The following PTPRK variants were observed in gnomAD, a reference collection of about 807,000 sequenced individuals.
PTPRK encodes the protein protein tyrosine phosphatase receptor type K.
In PTPRK, 75 loss-of-function variants were observed where a neutral mutation model predicts 178.0. The ratio of observed to expected loss-of-function variants is 0.42; its 90% confidence interval spans 0.35 to 0.51. The LOEUF (loss-of-function observed/expected upper bound fraction) is 0.51, where lower values mean the gene tolerates loss of function less well. PTPRK is among the 20% of genes least tolerant of loss of function. The probability of loss-of-function intolerance (pLI) is 0.02; values close to 1 mark genes in which losing one functional copy is unlikely to be tolerated. For synonymous variants in PTPRK, 637 were observed against 620.6 expected, an observed-to-expected ratio of 1.03 and a Z score of -0.39; for missense variants, 1,441 against 1,797.8, an observed-to-expected ratio of 0.80 and a Z score of 3.59.
chr6:128,038,243 A>AT (rs1191654422), intron 13 of PTPRK, among the ~76,000 whole-genome samples: 1 of 152,088 alleles, frequency 6.6e-6, no homozygotes, highest in African/African-American at 2.4e-5. Context: ...CTTTATACAC[A>AT]TTTTTTATGA....
intron 6 of PTPRK, among the ~76,000 whole-genome samples, chr6:128,216,812 T>C (rs1313506550): frequency 2.0e-5 from 3 of 151,374 alleles, no homozygotes; most frequent in African/African-American, 7.4e-5. Flanking sequence ...AAACTATACA[T>C]ATAAAGGGAG....
intron 3 of PTPRK, among the ~76,000 whole-genome samples, chr6:128,313,192 C>G (rs2128317145): frequency 6.6e-6 from 1 of 152,220 alleles, no homozygotes; most frequent in Non-Finnish European, 1.5e-5. Context: ...GTCACTTACC[C>G]TCTGTCAGCC....
intron 1 of PTPRK, among the ~76,000 whole-genome samples, chr6:128,403,798 A>C (rs1841332854): frequency 6.6e-6 from 1 of 152,208 alleles, no homozygotes; most frequent in Non-Finnish European, 1.5e-5. Flanking sequence ...CTCATCATAT[A>C]TACTTTCAAA....
chr6:128,072,247 T>A (rs998948004), intron 11 of PTPRK, among the ~76,000 whole-genome samples: 5 of 152,002 alleles, frequency 3.3e-5, no homozygotes, highest in African/African-American at 1.2e-4. Context: ...CCTTATTTTT[T>A]AAAAAATTAA....
At chr6:128,450,844 T>A (rs1847697566) in intron 1 of PTPRK, among the ~76,000 whole-genome samples, 1 of 152,216 alleles carries the variant, frequency 6.6e-6, no homozygotes, top group African/African-American at 2.4e-5. Flanking sequence ...ACATAAAGCA[T>A]TTCTGTTGCA....
chr6:128,344,456 C>G (rs1173329852), intron 2 of PTPRK, among the ~76,000 whole-genome samples: 1 of 152,092 alleles, frequency 6.6e-6, no homozygotes, highest in Non-Finnish European at 1.5e-5. Context: ...TACAATCAGG[C>G]TGTATGCAGC....
chr6:128,302,777 G>A (rs1192341029), intron 3 of PTPRK, among the ~76,000 whole-genome samples: 1 of 152,026 alleles, frequency 6.6e-6, no homozygotes, highest in Non-Finnish European at 1.5e-5. Flanking sequence ...TTCTTCCAGG[G>A]CAATACTAGC....
intron 1 of PTPRK, among the ~76,000 whole-genome samples, chr6:128,410,324 T>C (rs566043798): frequency 6.6e-6 from 1 of 152,250 alleles, no homozygotes; most frequent in East Asian, 1.9e-4. Flanking sequence ...AACAAGTAAA[T>C]ATACCCACAA....
intron 6 of PTPRK, among the ~76,000 whole-genome samples, chr6:128,206,409 A>C (rs2128261820): frequency 6.7e-6 from 1 of 148,470 alleles, no homozygotes; most frequent in Admixed American, 6.7e-5. Context: ...TGTTCATTAA[A>C]AAAAAAAAAA....
chr6:128,227,576 G>A (rs1250733789), intron 5 of PTPRK, among the ~76,000 whole-genome samples: 3 of 151,918 alleles, frequency 2.0e-5, no homozygotes, highest in Admixed American at 6.6e-5. Flanking sequence ...AAAACTTCAG[G>A]AAAACTTATT....
Position 127,984,945 on chromosome 6 carries a change from G to T in PTPRK, c.3251+776C>A, listed in dbSNP as rs145201267. On this transcript the variant is annotated intron_variant, in intron 22 of 29. Transcript: ENST00000368226. ...CTTTTTTTCCCCTCTTTTATACATGGTTATTTAAATCCTGAATAGGTTGGA... is the reference window on the plus strand; with the variant it reads ...CTTTTTTTCCCCTCTTTTATACATGTTTATTTAAATCCTGAATAGGTTGGA... 9.9e-4 allele frequency among the ~76,000 whole-genome samples: 150 copies of T among 152,126 alleles called. 2 individuals carry two copies. The East Asian group carries it at 0.023, about 23-fold the overall frequency.
chr6:128,161,601 T>A (rs1362734812), intron 7 of PTPRK, among the ~76,000 whole-genome samples: 5 of 151,558 alleles, frequency 3.3e-5, no homozygotes, highest in Admixed American at 1.3e-4. Flanking sequence ...TTAGCTCCAA[T>A]TCAAATTTAA....
intron 5 of PTPRK, among the ~76,000 whole-genome samples, chr6:128,230,010 C>A (rs1228809092): frequency 2.0e-5 from 3 of 152,010 alleles, no homozygotes; most frequent in Non-Finnish European, 4.4e-5. Context: ...AGTTTTCTAC[C>A]CCCAGGAATA....
At chr6:128,145,165 C>G (rs549212609) in intron 7 of PTPRK, among the ~76,000 whole-genome samples, 1 of 152,100 alleles carries the variant, frequency 6.6e-6, no homozygotes, top group Non-Finnish European at 1.5e-5. Flanking sequence ...TTAAAAGGCA[C>G]TGCCTTTCAA....
chr6:128,339,404 C>G (rs935617464), intron 2 of PTPRK, among the ~76,000 whole-genome samples: 14 of 152,250 alleles, frequency 9.2e-5, no homozygotes, highest in South Asian at 2.1e-4. Context: ...TTGACCCTCA[C>G]TAAACACATC....
At chr6:128,418,345 T>G (rs1843068301) in intron 1 of PTPRK, among the ~76,000 whole-genome samples, 1 of 152,222 alleles carries the variant, frequency 6.6e-6, no homozygotes, top group African/African-American at 2.4e-5. Context: ...GGTCATGGAC[T>G]GGTACATGTC....
intron 7 of PTPRK, among the ~76,000 whole-genome samples, chr6:128,156,160 G>C (rs577219115): frequency 6.6e-6 from 1 of 151,888 alleles, no homozygotes; most frequent in African/African-American, 2.4e-5. Flanking sequence ...ATGTCATAAA[G>C]TTGAAATTCC....
intron 13 of PTPRK, among the ~76,000 whole-genome samples, chr6:128,028,813 T>G (rs1774774997): frequency 6.6e-6 from 1 of 152,232 alleles, no homozygotes; most frequent in Non-Finnish European, 1.5e-5. Flanking sequence ...GAAAACAATT[T>G]TTTTGTTGAT....
At chr6:128,161,764 A>G (rs960607109) in intron 7 of PTPRK, among the ~76,000 whole-genome samples, 68 of 151,664 alleles carry the variant, frequency 4.5e-4, no homozygotes, top group African/African-American at 1.6e-3. Flanking sequence ...TTATATGCTT[A>G]TATTTGTTCT....
Sources: allele counts gnomAD v4.1 joint callset (sites outside exome capture counted in the v4.1 genomes callset), GRCh38; gene constraint gnomAD v4.1.1; transcripts MANE v1.5; gene names NCBI Gene and HGNC (gene_info 2026-07-23, HGNC 2026-07-21).